Variants in PKD1 observed in about 807,000 individuals in gnomAD.
The protein encoded by PKD1 is polycystin 1, transient receptor potential channel interacting.
In PKD1, 81 loss-of-function variants were observed where a neutral mutation model predicts 361.7. That is an observed-to-expected ratio of 0.22 (90% CI 0.19 to 0.27). The LOEUF (loss-of-function observed/expected upper bound fraction) is 0.27, where lower values mean the gene tolerates loss of function less well. Among genes scored for constraint, PKD1 ranks in the 10% least tolerant of loss-of-function variants. PKD1 has a pLI of 1.00. For synonymous variants in PKD1, 3,615 were observed against 2,818.3 expected, an observed-to-expected ratio of 1.28 and a Z score of -8.95; for missense variants, 6,399 against 6,118.3, an observed-to-expected ratio of 1.05 and a Z score of -1.53.
At chr16:2,105,052 G>C (rs1276102699) in intron 21 of PKD1, among the ~76,000 whole-genome samples, 1 of 133,650 alleles carries the variant, frequency 7.5e-6, no homozygotes, top group Admixed American at 7.3e-5. Flanking sequence ...GGGGAGGGGA[G>C]AGTGGAGGGC....
At chr16:2,121,662 C>T (rs1031747097) in intron 1 of PKD1, among the ~76,000 whole-genome samples, 2 of 152,230 alleles carry the variant, frequency 1.3e-5, no homozygotes, top group East Asian at 3.9e-4. Context: ...CACCTCCCCT[C>T]GGCCTCAAGC....
At position 2,111,446 on chromosome 16, in the gene PKD1, T is replaced by C; in HGVS notation, c.3721A>G (p.Ile1241Val). 1 of 1,611,874 alleles carries C rather than the reference T, an allele frequency of 6.2e-7. No individual in the cohort carries two copies. The highest frequency in any genetic ancestry group is 1.3e-5 in the African/African-American group (1 of 75,002). The change falls in exon 15 of 46, where the codon ATC (isoleucine) becomes GTC (valine). Residue 1241 changes from isoleucine to valine, a missense_variant. Coordinates refer to ENST00000262304, the MANE Select transcript of PKD1 (RefSeq NM_001009944.3). The part of the protein sequence containing the change: ...VSAAVQTGDN[I>V]TWTFDMGDGT... ...TCCCCCATGTCGAAGGTCCACGTGA[T>C]GTTGTCGCCCGTCTGCACCGCGGCG...
rs375489838 is a variant in PKD1, at chr16:2,112,866, G to C, written c.3083C>G (p.Pro1028Arg). Residue 1028 changes from proline to arginine, a missense_variant, in exon 13 of 46, where the codon CCG becomes CGG. Coordinates refer to ENST00000262304, the MANE Select transcript of PKD1 (RefSeq NM_001009944.3). ...RMQGLQVSTV[P>R]AVLSPNATLA... ...CGTGGCATTGGGGGACAGCACGGCC[G>C]GCACTGTGGAGACCTGCAGACCCTG... is the stretch of plus-strand genomic sequence containing the variant. 5.0e-6 allele frequency: 8 copies of C among 1,606,438 alleles called. No homozygotes were observed. The highest frequency in any genetic ancestry group is 1.3e-5 in the African/African-American group (1 of 74,968).
At position 2,093,538 on chromosome 16, in the gene PKD1, G is replaced by T; in HGVS notation, c.11016+6C>A. 1.3e-6 allele frequency: 2 copies of T among 1,593,722 alleles called. 1 individual carries two copies. Among genetic ancestry groups the T allele is most frequent in the African/African-American group, 2.7e-5 (2 of 74,778 alleles). On this transcript the variant is annotated splice_donor_region_variant and intron_variant, in intron 37 of 45. Transcript: ENST00000262304. Reference sequence around the variant, plus strand: ...TGGCAGGGGCACAGGCCGCACCCAGGCTCACCCGCAGCATGCCATGTAGCC... The same window carrying T: ...TGGCAGGGGCACAGGCCGCACCCAGTCTCACCCGCAGCATGCCATGTAGCC...
At chr16:2,122,050 C>T (rs2092729202) in intron 1 of PKD1, among the ~76,000 whole-genome samples, 1 of 152,226 alleles carries the variant, frequency 6.6e-6, no homozygotes, top group South Asian at 2.1e-4. Context: ...ACAGGCTGCC[C>T]GGTGGGGCCC....
Position 2,108,767 on chromosome 16 carries a change from C to T in PKD1, c.6400G>A (p.Val2134Met), listed in dbSNP as rs748524266. 40 of 1,571,296 alleles carry T rather than the reference C, an allele frequency of 2.5e-5. No homozygotes were observed. Among genetic ancestry groups the T allele is most frequent in the South Asian group, 8.1e-5 (7 of 86,352 alleles). ...TGGACGGTCACCGTGGCCTGCGCCA[C>T]GAAGAAGCTCACCAGGTTGGAGGCG... ...VNASNLVSFF[V>M]AQATVTVQVL... Residue 2134 changes from valine (V) to methionine (M), a missense_variant, in exon 15 of 46, where the codon GTG (valine) becomes ATG (methionine). Coordinates refer to ENST00000262304, the MANE Select transcript of PKD1 (RefSeq NM_001009944.3).
Position 2,102,854 on chromosome 16 carries a change from C to T in PKD1, c.8908G>A (p.Gly2970Ser), listed in dbSNP as rs1372716499. The change falls in exon 24 of 46, where the codon GGT (glycine) becomes AGT (serine). Residue 2970 changes from glycine (G) to serine (S), a missense_variant. Transcript: ENST00000262304. ...AAGGTGTAGGGCCGGTGGTCAGCAC[C>T]CTGGAGTGACTCTGGGCGGATCCTC... ...SRRIRPESLQ[G>S]ADHRPYTFFI... 5 of 1,599,450 alleles carry T rather than the reference C, an allele frequency of 3.1e-6. No individual in the cohort carries two copies. The highest frequency in any genetic ancestry group is 2.3e-5 in the East Asian group (1 of 44,432).
intron 1 of PKD1, among the ~76,000 whole-genome samples, chr16:2,124,259 C>T (rs1180092004): frequency 6.6e-6 from 1 of 152,240 alleles, no homozygotes; most frequent in Admixed American, 6.5e-5. Flanking sequence ...TGACACGTGT[C>T]TCATGCTGCA....
chr16:2,125,891 A>G (rs536061225), intron 1 of PKD1, among the ~76,000 whole-genome samples: 17 of 152,106 alleles, frequency 1.1e-4, no homozygotes, highest in Non-Finnish European at 1.8e-4. Flanking sequence ...TGATGGGCAC[A>G]CTGAGGCTCA....
rs1360041041 is a variant in PKD1, at chr16:2,118,176, G to A, written c.816C>T (p.Ser272=). 4.5e-6 allele frequency: 7 copies of A among 1,562,168 alleles called. No individual in the cohort carries two copies. Among genetic ancestry groups the A allele is most frequent in the Non-Finnish European group, 5.2e-6 (6 of 1,156,470 alleles). Residue 272 remains serine, a synonymous_variant, in exon 5 of 46, where the codon TCC becomes TCT. Coordinates refer to ENST00000262304, the MANE Select transcript of PKD1 (RefSeq NM_001009944.3). This position sits in a 1 kb window ranked among gnomAD's most constrained non-coding sequence, Gnocchi z 6.0. ...GGGGCCCCACCAGGGTGGCCCCTGG[G>A]GAGGCAGGGAAGACGTGCTGGAGGA... ...PTLLQHVFPA[S]PGATLVGPHG...
At position 2,090,597 on chromosome 16, in the gene PKD1, G is replaced by C. The variant is rs371275742; in HGVS notation, c.12139-7C>G. ...CCACACAGGAAGACACGAGCTGCGG[G>C]GAAGGCGACACCAGTGAGGGCGTAC... On this transcript the variant is annotated splice_region_variant and splice_polypyrimidine_tract_variant and intron_variant, in intron 44 of 45. Transcript: ENST00000262304. 1 of 1,608,468 alleles carries C rather than the reference G, an allele frequency of 6.2e-7. No individual in the cohort carries two copies. Among genetic ancestry groups the C allele is most frequent in the Non-Finnish European group, 8.5e-7 (1 of 1,179,740 alleles).
intron 30 of PKD1, among the ~76,000 whole-genome samples, chr16:2,098,467 T>C (rs991731779): frequency 6.7e-6 from 1 of 148,632 alleles, no homozygotes; most frequent in Non-Finnish European, 1.5e-5. Context: ...CGCCTCCGCC[T>C]CCCAAAGTGC....
intron 34 of PKD1, among the ~76,000 whole-genome samples, chr16:2,094,516 C>A (rs1323173316): frequency 2.0e-5 from 3 of 152,224 alleles, no homozygotes; most frequent in African/African-American, 7.2e-5. Flanking sequence ...TCTCAGGGTG[C>A]AATGAGCCCC....
Position 2,108,446 on chromosome 16 carries a change from G to A in PKD1, c.6721C>T (p.Leu2241=), listed in dbSNP as rs574203747. The A allele has an allele frequency of 4.2e-5, 68 of 1,610,372 alleles. No individual in the cohort carries two copies. The highest frequency in any genetic ancestry group is 5.6e-5 in the Non-Finnish European group (66 of 1,179,688). ...VFVVSFGDTP[L]TQSIQANVTV... is the part of the protein sequence containing the mutation. ...ACATTGGCCTGGATGCTCTGTGTCA[G>A]TGGCGTGTCCCCAAATGACACGACA... Residue 2241 remains leucine (L), a synonymous_variant, in exon 15 of 46, where the codon CTG becomes TTG. Coordinates refer to ENST00000262304, the MANE Select transcript of PKD1 (RefSeq NM_001009944.3).
In PKD1 at chr16:2,094,132, C is replaced by T. The variant is rs745763060; in HGVS notation, c.10578G>A (p.Leu3526=). 4.3e-5 allele frequency: 68 copies of T among 1,596,104 alleles called. No individual in the cohort carries two copies. In the Admixed American group the frequency reaches 1.2e-3, roughly 28 times the overall value. ...LGELGPPSPG[L]NWEQPQAARL... ...TCGCTGCCTGGGGCTGTTCCCAGTT[C>T]AGGCCTGGGCTGGGTGGCCCCAGCT... Residue 3526 remains leucine (L), a synonymous_variant, in exon 35 of 46, where the codon CTG becomes CTA. Transcript: ENST00000262304.
Position 2,100,711 on chromosome 16 carries a change from G to C in PKD1, c.9398-145C>G, listed in dbSNP as rs1289647609. On this transcript the variant is annotated intron_variant, in intron 26 of 45. Transcript: ENST00000262304. This position sits in a 1 kb window ranked among gnomAD's most constrained non-coding sequence, Gnocchi z 4.4. ...CTTTGCACGGCTCTGCCATACACAA[G>C]GAGCTGCGGTTACTGCAATTTGTCC... 13 of 662,122 alleles carry C rather than the reference G, an allele frequency of 2.0e-5. No individual in the cohort carries two copies. Among genetic ancestry groups the C allele is most frequent in the Non-Finnish European group, 2.6e-6 (1 of 377,884 alleles). 41.0% of individuals were successfully genotyped at this position (662,122 alleles called of 1,614,324 possible).
chr16:2,102,836 A>G lies in PKD1; in HGVS notation c.8926T>C (p.Tyr2976His). 1.2e-6 allele frequency: 2 copies of G among 1,610,156 alleles called. No individual in the cohort carries two copies. Among genetic ancestry groups the G allele is most frequent in the Non-Finnish European group, 1.7e-6 (2 of 1,179,778 alleles). The change falls in exon 24 of 46, where the codon TAC becomes CAC. Residue 2976 changes from tyrosine to histidine, a missense_variant. Tyr to His is a moderately conservative substitution (Grantham distance 83). Transcript: ENST00000262304. ...CACCCCGGGGAAATGAAGAAGGTGT[A>G]GGGCCGGTGGTCAGCACCCTGGAGT... The part of the protein sequence containing the change: ...ESLQGADHRP[Y>H]TFFISPGSRD...
chr16:2,123,505 T>C (rs1383866921), intron 1 of PKD1: 4 of 456,364 alleles, frequency 8.8e-6, no homozygotes, highest in Non-Finnish European at 1.8e-5. Context: ...CATCTGCTTT[T>C]GCCATCGCCG....
intron 34 of PKD1, chr16:2,096,910 T>G: frequency 1.7e-6 from 1 of 581,110 alleles, no homozygotes; most frequent in South Asian, 2.1e-5. Flanking sequence ...CAGGAGCCTT[T>G]CTGCTCCTAC....
Sources: allele counts gnomAD v4.1 joint callset (sites outside exome capture counted in the v4.1 genomes callset), GRCh38; gene constraint gnomAD v4.1.1; non-coding constraint Gnocchi (gnomAD v3.1); transcripts MANE v1.5; gene names NCBI Gene and HGNC (gene_info 2026-07-23, HGNC 2026-07-21).